The following TWIST2 variants were observed in gnomAD, a reference collection of about 807,000 sequenced individuals.
TWIST2 encodes twist family bHLH transcription factor 2, also known as twist-related protein 2.
In TWIST2, 1 loss-of-function variant was observed where a neutral mutation model predicts 11.6. That is an observed-to-expected ratio of 0.09 (90% CI 0.03 to 0.41). The LOEUF is 0.41. Among genes scored for constraint, TWIST2 ranks in the 10% least tolerant of loss-of-function variants. The pLI, the probability that TWIST2 is intolerant of heterozygous loss-of-function variation, is 0.98. For missense variants in TWIST2, 168 were observed against 226.4 expected, an observed-to-expected ratio of 0.74 and a Z score of 1.66; for synonymous variants, 87 against 96.6, an observed-to-expected ratio of 0.90 and a Z score of 0.58.
At chr2:238,858,111 G>A (rs1431740827) in intron 1 of TWIST2, among the ~76,000 whole-genome samples, 1 of 152,176 alleles carries the variant, frequency 6.6e-6, no homozygotes, top group Non-Finnish European at 1.5e-5. Context: ...ATTGTTGAAT[G>A]TTAATTACAT....
rs1406087889 is a variant in TWIST2, at chr2:238,876,240, C to T, written c.*35+27507C>T. ...GCACCCAGGCAGCCTCTGCAGAGGG[C>T]ACTAGGGGACTCTCAGCAGCTCAGA... On this transcript the variant is annotated intron_variant, in intron 1 of 1. Transcript: ENST00000612363. Among the ~76,000 whole-genome samples the T allele has an allele frequency of 2.0e-5, 3 of 152,170 alleles. No individual in the cohort carries two copies. In the East Asian group the frequency reaches 5.8e-4, roughly 29 times the overall value.
At position 238,902,646 on chromosome 2, in the gene TWIST2, ATGG is replaced by A. The variant is rs1309987542; in HGVS notation, c.*36-7193_*36-7191del. ...TGAGGTGTGTGATATGAGGTGTGTG[ATGG>A]TGTGTGTGTGATGTGTGTGTGATGT... On this transcript the variant is annotated intron_variant, in intron 1 of 1. Coordinates refer to ENST00000612363, the MANE Select transcript of TWIST2 (RefSeq NM_001271893.4). 2.8e-3 allele frequency among the ~76,000 whole-genome samples: 346 copies of A among 122,116 alleles called. 3 individuals are homozygous for A. The highest frequency in any genetic ancestry group is 0.011 in the African/African-American group (330 of 31,156). 80.1% of individuals were successfully genotyped at this position (122,116 alleles called of 152,430 possible).
In TWIST2 at chr2:238,854,630, G is replaced by A. The variant is rs142481221; in HGVS notation, c.*35+5897G>A. On this transcript the variant is annotated intron_variant, in intron 1 of 1. Transcript: ENST00000612363. The stretch of plus-strand genomic sequence containing the variant: ...AGAAAAAAATGTTGAAACTTTCGTC[G>A]TTACTACTGTTTTTCTGTCGCTATC... Among the ~76,000 whole-genome samples, 814 of 152,270 alleles carry A rather than the reference G, an allele frequency of 5.3e-3. 5 individuals are homozygous for A. Among genetic ancestry groups the A allele is most frequent in the Middle Eastern group, 0.02 (6 of 294 alleles).
At chr2:238,907,607 G>C (rs1693374559) in intron 1 of TWIST2, among the ~76,000 whole-genome samples, 1 of 152,000 alleles carries the variant, frequency 6.6e-6, no homozygotes. Context: ...TGTGGGGCTG[G>C]AAGAATTGTG....
chr2:238,867,138 C>T lies in TWIST2; in HGVS notation c.*35+18405C>T, dbSNP rs141706071. On this transcript the variant is annotated intron_variant, in intron 1 of 1. Coordinates refer to ENST00000612363, the MANE Select transcript of TWIST2 (RefSeq NM_001271893.4). This position sits in a 1 kb window ranked among gnomAD's most constrained non-coding sequence, Gnocchi z 4.8. The stretch of plus-strand genomic sequence containing the variant: ...AGCCTCTTGTTTCGAGGGCCTTTTC[C>T]GTCCTCGAAGCCAGCAGCTGGAGGG... Among the ~76,000 whole-genome samples the T allele has an allele frequency of 0.033, 5,029 of 152,144 alleles. 140 individuals are homozygous for T. Among genetic ancestry groups the T allele is most frequent in the Non-Finnish European group, 0.055 (3,767 of 67,992 alleles).
intron 1 of TWIST2, among the ~76,000 whole-genome samples, chr2:238,872,598 T>A (rs2106360594): frequency 6.6e-6 from 1 of 152,274 alleles, no homozygotes; most frequent in South Asian, 2.1e-4. Flanking sequence ...CAAATATGAG[T>A]CTTCAAGGTC....
intron 1 of TWIST2, among the ~76,000 whole-genome samples, chr2:238,905,027 AGTAG>A (rs1693324586): frequency 6.8e-6 from 1 of 147,672 alleles, no homozygotes; most frequent in South Asian, 2.2e-4. Flanking sequence ...GGAAGAAAGA[AGTAG>A]GTAGGTGGGT....
intron 1 of TWIST2, among the ~76,000 whole-genome samples, chr2:238,903,218 T>G: frequency 1.5e-5 from 2 of 132,182 alleles, no homozygotes; most frequent in African/African-American, 5.9e-5. Context: ...TGATGTGAGG[T>G]TTATGTGATG....
chr2:238,864,784 C>G lies in TWIST2; in HGVS notation c.*35+16051C>G, dbSNP rs1164479365. The stretch of plus-strand genomic sequence containing the variant: ...GCCTGCACCCTACCCTGGGAAACAC[C>G]TGTGGGGCTGTCCCCTTCTCTGAGC... On this transcript the variant is annotated intron_variant, in intron 1 of 1. Transcript: ENST00000612363. The surrounding 1 kb of genome is among the most constrained non-coding windows in gnomAD (Gnocchi z 4.7). 2.0e-5 allele frequency among the ~76,000 whole-genome samples: 3 copies of G among 152,148 alleles called. No homozygotes were observed. The highest frequency in any genetic ancestry group is 7.2e-5 in the African/African-American group (3 of 41,434).
chr2:238,900,414 A>G (rs1693255193), intron 1 of TWIST2, among the ~76,000 whole-genome samples: 2 of 152,168 alleles, frequency 1.3e-5, no homozygotes, highest in Admixed American at 1.3e-4. Context: ...TGGGCCTCTC[A>G]AGATTTTCCT....
chr2:238,894,439 C>T (rs2106370721), intron 1 of TWIST2, among the ~76,000 whole-genome samples: 1 of 152,288 alleles, frequency 6.6e-6, no homozygotes, highest in Admixed American at 6.5e-5. Context: ...GTGGGTGGCC[C>T]CTTGCCGCCT....
chr2:238,902,937 GGTGTTGTGATGTGTGA>G lies in TWIST2; in HGVS notation c.*36-6903_*36-6888del, dbSNP rs1459051287. Among the ~76,000 whole-genome samples, 43 of 75,192 alleles carry G rather than the reference GGTGTTGTGATGTGTGA, an allele frequency of 5.7e-4. 2 individuals are homozygous for G. Among genetic ancestry groups the G allele is most frequent in the South Asian group, 1.3e-3 (2 of 1,494 alleles). 49.3% of individuals were successfully genotyped at this position (75,192 alleles called of 152,430 possible). ...CGTGATGTGAGGTGTGTGTGATGTG[GGTGTTGTGATGTGTGA>G]GGTGTGTGTGATGTGTGTGTGATGT... On this transcript the variant is annotated intron_variant, in intron 1 of 1. Transcript: ENST00000612363.
chr2:238,908,217 A>T (rs1175575924), intron 1 of TWIST2, among the ~76,000 whole-genome samples: 1 of 135,264 alleles, frequency 7.4e-6, no homozygotes, highest in African/African-American at 2.9e-5. Flanking sequence ...GTACACATAT[A>T]CCCCCCATAC....
At chr2:238,862,483 T>A (rs1574749594) in intron 1 of TWIST2, among the ~76,000 whole-genome samples, 1 of 152,126 alleles carries the variant, frequency 6.6e-6, no homozygotes, top group East Asian at 1.9e-4. Context: ...AACAATAATC[T>A]AAGGAATTAG....
chr2:238,867,572 G>T lies in TWIST2; in HGVS notation c.*35+18839G>T, dbSNP rs1692566563. 6.6e-6 allele frequency among the ~76,000 whole-genome samples: 1 copy of T among 152,150 alleles called. No homozygotes were observed. Among genetic ancestry groups the T allele is most frequent in the African/African-American group, 2.4e-5 (1 of 41,420 alleles). On this transcript the variant is annotated intron_variant, in intron 1 of 1. Coordinates refer to ENST00000612363, the MANE Select transcript of TWIST2 (RefSeq NM_001271893.4). The surrounding 1 kb of genome is among the most constrained non-coding windows in gnomAD (Gnocchi z 4.8). ...TGGGAACCCTTTGATAAACAGGAAA[G>T]AATATTTTCACTTTGGCACAGGCCT...
chr2:238,850,969 T>C (rs1368487358), intron 1 of TWIST2, among the ~76,000 whole-genome samples: 1 of 152,266 alleles, frequency 6.6e-6, no homozygotes, highest in Admixed American at 6.5e-5. Flanking sequence ...TCATTCTTTT[T>C]GTCTTTAACT....
chr2:238,848,910 A>G (rs1692185825), intron 1 of TWIST2, among the ~76,000 whole-genome samples, 177 bp downstream of exon 1: 1 of 152,078 alleles, frequency 6.6e-6, no homozygotes, highest in Non-Finnish European at 1.5e-5. Context: ...TCACAGTCCC[A>G]GGGACACCCC....
intron 1 of TWIST2, among the ~76,000 whole-genome samples, chr2:238,869,598 A>T (rs1692609236): frequency 6.6e-6 from 1 of 152,240 alleles, no homozygotes; most frequent in Non-Finnish European, 1.5e-5. Context: ...ACATGAAAAG[A>T]TGCTTGACAC....
chr2:238,885,703 C>T (rs1378904202), intron 1 of TWIST2, among the ~76,000 whole-genome samples: 1 of 152,158 alleles, frequency 6.6e-6, no homozygotes, highest in Non-Finnish European at 1.5e-5. Flanking sequence ...GACTGGGAGG[C>T]TTATCAGGAT....
Sources: gnomAD v4.1 joint callset for allele counts (sites outside exome capture counted in the v4.1 genomes callset) on GRCh38, gnomAD v4.1.1 for gene constraint, Gnocchi (gnomAD v3.1) non-coding constraint, MANE v1.5 for transcripts, NCBI Gene and HGNC (gene_info 2026-07-23, HGNC 2026-07-21) for gene names.